PRKN: variants seen among roughly 807,000 people sequenced by gnomAD.
PRKN encodes parkin RBR E3 ubiquitin protein ligase.
Under a neutral mutation model 59.5 loss-of-function variants are expected in PRKN, and 56 were observed. The observed-to-expected ratio is 0.94, with a 90% CI of 0.76 to 1.18. The LOEUF (loss-of-function observed/expected upper bound fraction) is 1.18, where lower values mean the gene tolerates loss of function less well. Among genes scored for constraint, PRKN ranks in the 50% most tolerant of loss-of-function variants. The pLI is 0.00. For synonymous variants in PRKN, 250 were observed against 222.1 expected (o/e 1.13, Z -1.12); for missense variants, 657 against 596.4 (o/e 1.10, Z -1.06).
intron 2 of PRKN, among the ~76,000 whole-genome samples, chr6:162,407,678 T>C (rs1469308404): frequency 6.6e-6 from 1 of 152,164 alleles, no homozygotes; most frequent in African/African-American, 2.4e-5. Context: ...AAAATGTGAA[T>C]GAAGGGCTAA....
intron 1 of PRKN, among the ~76,000 whole-genome samples, chr6:162,552,972 A>G (rs1779389795): frequency 6.6e-6 from 1 of 152,162 alleles, no homozygotes; most frequent in Non-Finnish European, 1.5e-5. Flanking sequence ...GAGGCTGCGT[A>G]AGAACAAACG....
chr6:162,717,715 C>G lies in PRKN; in HGVS notation c.7+9947G>C, dbSNP rs566040606. ...AAACTAATACAGTAATCTGGCCATG[C>G]CCCGATAGTGTATAATATTAAAGAA... On this transcript the variant is annotated intron_variant, in intron 1 of 11. Coordinates refer to ENST00000366898, the MANE Select transcript of PRKN (RefSeq NM_004562.3). Among the ~76,000 whole-genome samples, 5 of 152,262 alleles carry G rather than the reference C, an allele frequency of 3.3e-5. No individual in the cohort carries two copies. In the East Asian group the frequency reaches 9.6e-4, roughly 29 times the overall value.
chr6:162,661,398 T>C (rs1778873762), intron 1 of PRKN, among the ~76,000 whole-genome samples: 1 of 152,168 alleles, frequency 6.6e-6, no homozygotes, highest in South Asian at 2.1e-4. Flanking sequence ...AGCAGGAAGA[T>C]ACAGAGATTA....
chr6:162,458,380 C>T (rs1427366855), intron 1 of PRKN, among the ~76,000 whole-genome samples: 1 of 149,008 alleles, frequency 6.7e-6, no homozygotes, highest in Admixed American at 6.7e-5. Flanking sequence ...AAGCCAAGAT[C>T]GCACCACTGC....
In PRKN at chr6:161,578,515, C is replaced by T. The variant is rs1781219631; in HGVS notation, c.872-9099G>A. Among the ~76,000 whole-genome samples, 1 of 152,168 alleles carries T rather than the reference C, an allele frequency of 6.6e-6. No individual in the cohort carries two copies. Among genetic ancestry groups the T allele is most frequent in the Non-Finnish European group, 1.5e-5 (1 of 68,034 alleles). ...TGAAGGCTTCCTTAGGACTTTGTCT[C>T]ACTGTGTCCACTGACCCCAAACTAC... is the stretch of plus-strand genomic sequence containing the variant. On this transcript the variant is annotated intron_variant, in intron 7 of 11. Transcript: ENST00000366898. This position sits in a 1 kb window ranked among gnomAD's most constrained non-coding sequence, Gnocchi z 4.2.
chr6:161,663,073 T>C (rs1306073689), intron 7 of PRKN, among the ~76,000 whole-genome samples: 1 of 152,226 alleles, frequency 6.6e-6, no homozygotes, highest in Non-Finnish European at 1.5e-5. Flanking sequence ...CCCCTGAACA[T>C]GCTCTCTCTC....
Position 161,401,835 on chromosome 6 carries a change from T to C in PRKN, c.1084-14958A>G, listed in dbSNP as rs1787064895. Among the ~76,000 whole-genome samples, 1 of 152,148 alleles carries C rather than the reference T, an allele frequency of 6.6e-6. No individual in the cohort carries two copies. Among genetic ancestry groups the C allele is most frequent in the African/African-American group, 2.4e-5 (1 of 41,418 alleles). ...CCAGAACCTCTGCCCTAAATGATTA[T>C]TCATGAATGTTCTGGCTCAAAGGAG... On this transcript the variant is annotated intron_variant, in intron 9 of 11. Coordinates refer to ENST00000366898, the MANE Select transcript of PRKN (RefSeq NM_004562.3). The surrounding 1 kb of genome is among the most constrained non-coding windows in gnomAD (Gnocchi z 4.4).
At chr6:161,875,831 C>T (rs1427259598) in intron 6 of PRKN, among the ~76,000 whole-genome samples, 1 of 152,098 alleles carries the variant, frequency 6.6e-6, no homozygotes, top group Non-Finnish European at 1.5e-5. Context: ...AACTCATGTC[C>T]TATGATCCTC....
chr6:161,389,689 C>T (rs62435890), intron 9 of PRKN, among the ~76,000 whole-genome samples: 1 of 152,128 alleles, frequency 6.6e-6, no homozygotes, highest in African/African-American at 2.4e-5. Flanking sequence ...AAAATGTGGA[C>T]GGGAGGCCCA....
rs543554854 is a variant in PRKN, at chr6:161,480,975, G to A, written c.1083+67879C>T. ...AAGGAGAAAAGCGCTTCACAGCCAC[G>A]AAGAGGGGGTTCCTGAGGGAAGCAC... is the stretch of plus-strand genomic sequence containing the variant. On this transcript the variant is annotated intron_variant, in intron 9 of 11. Coordinates refer to ENST00000366898, the MANE Select transcript of PRKN (RefSeq NM_004562.3). The surrounding 1 kb of genome is among the most constrained non-coding windows in gnomAD (Gnocchi z 4.1). 6.2e-4 allele frequency among the ~76,000 whole-genome samples: 94 copies of A among 152,310 alleles called. 2 individuals carry two copies. Among genetic ancestry groups the A allele is most frequent in the African/African-American group, 2.1e-3 (86 of 41,582 alleles).
intron 1 of PRKN, among the ~76,000 whole-genome samples, chr6:162,575,738 A>G (rs1351429156): frequency 6.6e-6 from 1 of 152,166 alleles, no homozygotes; most frequent in Non-Finnish European, 1.5e-5. Flanking sequence ...CCAGTCACAC[A>G]GGCTATAGGT....
chr6:161,966,932 A>G (rs771126829), intron 6 of PRKN, among the ~76,000 whole-genome samples: 10 of 152,176 alleles, frequency 6.6e-5, no homozygotes, highest in Non-Finnish European at 1.3e-4. Flanking sequence ...CCTGGATTCA[A>G]GCGATTCTCC....
intron 1 of PRKN, among the ~76,000 whole-genome samples, chr6:162,668,251 CTT>C: frequency 6.6e-6 from 1 of 152,100 alleles, no homozygotes; most frequent in East Asian, 1.9e-4. Context: ...AAATATGAAA[CTT>C]TATTATAAAA....
intron 4 of PRKN, among the ~76,000 whole-genome samples, chr6:162,055,561 G>A (rs924255367): frequency 6.6e-5 from 10 of 152,078 alleles, no homozygotes; most frequent in Admixed American, 2.0e-4. Context: ...AGTAAGAGGT[G>A]GGTTGTCTCC....
At chr6:162,020,349 A>AAC (rs1783095832) in intron 5 of PRKN, among the ~76,000 whole-genome samples, 3 of 151,366 alleles carry the variant, frequency 2.0e-5, no homozygotes, top group Non-Finnish European at 4.4e-5. Context: ...AAAAAAAAAA[A>AAC]AAAAAAAAAC....
At chr6:162,217,620 G>A (rs766989982) in intron 3 of PRKN, among the ~76,000 whole-genome samples, 1 of 152,122 alleles carries the variant, frequency 6.6e-6, no homozygotes, top group Non-Finnish European at 1.5e-5. Context: ...TCGAACTCCT[G>A]ACCTCAAGTG....
chr6:162,247,652 A>G (rs917442710), intron 3 of PRKN, among the ~76,000 whole-genome samples: 2 of 152,202 alleles, frequency 1.3e-5, no homozygotes, highest in African/African-American at 2.4e-5. Context: ...ACCAAGGCAT[A>G]GTAAAAATAC....
chr6:162,680,516 T>TA (rs1779731695), intron 1 of PRKN, among the ~76,000 whole-genome samples: 2 of 152,082 alleles, frequency 1.3e-5, no homozygotes, highest in African/African-American at 4.8e-5. Flanking sequence ...TGAGCCTTGA[T>TA]AAAGTAATGA....
At chr6:161,426,644 T>TACACACACACACACACACACACACAC (rs546537464) in intron 9 of PRKN, among the ~76,000 whole-genome samples, 1 of 31,026 alleles carries the variant, frequency 3.2e-5, no homozygotes, top group Non-Finnish European at 6.0e-5. Context: ...AACTCCCCTT[T>TACACACACACACACACACACACACAC]ACACACACAC....
Sources: allele counts gnomAD v4.1 joint callset (sites outside exome capture counted in the v4.1 genomes callset), GRCh38; gene constraint gnomAD v4.1.1; non-coding constraint Gnocchi (gnomAD v3.1); transcripts MANE v1.5; gene names NCBI Gene and HGNC (gene_info 2026-07-23, HGNC 2026-07-21).